Variants in RCAN1 observed in about 807,000 individuals in gnomAD.
The protein encoded by RCAN1 is regulator of calcineurin 1, also known as calcipressin-1.
RCAN1 carries 11 observed loss-of-function variants against 22.9 expected under a neutral mutation model. That is an observed-to-expected ratio of 0.48 (90% CI 0.30 to 0.79). The LOEUF is 0.79. Among genes scored for constraint, RCAN1 ranks in the 30% least tolerant of loss-of-function variants. RCAN1 has a pLI of 0.06. For synonymous variants in RCAN1, 136 were observed against 142.3 expected (o/e 0.96, Z 0.32); for missense variants, 291 against 337.8 (o/e 0.86, Z 1.09).
chr21:34,538,899 C>A (rs1260823513), intron 1 of RCAN1, among the ~76,000 whole-genome samples: 2 of 152,150 alleles, frequency 1.3e-5, no homozygotes, highest in South Asian at 4.1e-4. Flanking sequence ...ACCGACCAAC[C>A]CGCAAGGCCC....
chr21:34,529,002 C>G (rs1026902507), intron 1 of RCAN1, among the ~76,000 whole-genome samples: 3 of 151,434 alleles, frequency 2.0e-5, no homozygotes, highest in African/African-American at 4.8e-5. Flanking sequence ...ATTCAACTGT[C>G]TTTGCTCATA....
At chr21:34,519,397 C>CTTT (rs34152667) in intron 3 of RCAN1, among the ~76,000 whole-genome samples, 129 of 102,680 alleles carry the variant, frequency 1.3e-3, no homozygotes, top group Non-Finnish European at 1.5e-3. Context: ...TTCTTTCTTT[C>CTTT]TTTTTTTTTT....
intron 1 of RCAN1, among the ~76,000 whole-genome samples, chr21:34,580,294 T>G (rs1032401727): frequency 5.3e-5 from 8 of 152,198 alleles, no homozygotes; most frequent in Non-Finnish European, 1.5e-5. Flanking sequence ...CTAAACCTGC[T>G]GGCATTCAGG....
intron 1 of RCAN1, among the ~76,000 whole-genome samples, chr21:34,567,554 CA>C (rs1163824625): frequency 0.025 from 1,741 of 70,226 alleles, 17 homozygotes; most frequent in African/African-American, 0.067. Flanking sequence ...GACTCCATCT[CA>C]AAAAAAAAAA....
chr21:34,607,733 A>T (rs779181241), intron 1 of RCAN1, among the ~76,000 whole-genome samples: 5 of 152,228 alleles, frequency 3.3e-5, no homozygotes, highest in Non-Finnish European at 5.9e-5. Flanking sequence ...AAAGTTTCCA[A>T]ATTAAAAAAT....
chr21:34,561,849 C>T (rs1184211382), intron 1 of RCAN1, among the ~76,000 whole-genome samples: 1 of 152,174 alleles, frequency 6.6e-6, no homozygotes, highest in African/African-American at 2.4e-5. Context: ...CTGAGGACAG[C>T]TGGAGCACGC....
Position 34,614,820 on chromosome 21 carries a change from C to A in RCAN1, c.192G>T (p.Leu64=), listed in dbSNP as rs537594729. The A allele has an allele frequency of 8.7e-6, 13 of 1,488,484 alleles. No homozygotes were observed. The African/African-American group carries it at 8.8e-5, about 10-fold the overall frequency. The allele number at this position is 1,488,484 out of a possible 1,614,324, so 92.2% of individuals were successfully genotyped here. The change falls in exon 1 of 4, where the codon CTG becomes CTT. Residue 64 remains leucine (L), a synonymous_variant. Coordinates refer to ENST00000313806, the MANE Select transcript of RCAN1 (RefSeq NM_004414.7). This position sits in a 1 kb window ranked among gnomAD's most constrained non-coding sequence, Gnocchi z 6.0. ...GGTGACAGGCGATGGTGGCGCTGGGCAGGTCCTGCAGGTCCACCTCCTCCA... is the reference window on the plus strand; with the variant it reads ...GGTGACAGGCGATGGTGGCGCTGGGAAGGTCCTGCAGGTCCACCTCCTCCA... ...CEMEEVDLQD[L]PSATIACHLD...
intron 1 of RCAN1, among the ~76,000 whole-genome samples, chr21:34,589,539 C>T (rs1048278675): frequency 6.6e-6 from 1 of 152,060 alleles, no homozygotes; most frequent in Non-Finnish European, 1.5e-5. Flanking sequence ...TCAAACTGGC[C>T]CCGGTGTGTG....
At chr21:34,597,959 T>C (rs1275601865) in intron 1 of RCAN1, among the ~76,000 whole-genome samples, 1 of 152,132 alleles carries the variant, frequency 6.6e-6, no homozygotes, top group East Asian at 1.9e-4. Flanking sequence ...TATTGAAGAA[T>C]CTAAAACATA....
At chr21:34,528,993 TTCAACTG>T (rs1568887860) in intron 1 of RCAN1, among the ~76,000 whole-genome samples, 3 of 152,134 alleles carry the variant, frequency 2.0e-5, no homozygotes, top group Non-Finnish European at 4.4e-5. Context: ...TTGAAGATTA[TTCAACTG>T]TCTTTGCTCA....
At chr21:34,552,153 G>T (rs1254887205) in intron 1 of RCAN1, among the ~76,000 whole-genome samples, 1 of 152,102 alleles carries the variant, frequency 6.6e-6, no homozygotes, top group Non-Finnish European at 1.5e-5. Flanking sequence ...CATTACTAGC[G>T]TTAGAGGCAC....
At position 34,518,765 on chromosome 21, in the gene RCAN1, G is replaced by A. The variant is rs1984242903; in HGVS notation, c.587-509C>T. Reference sequence around the variant, plus strand: ...CGCAGGGGTGGCTGCACGGAGCCAGGTGCTCTGGAAACGTTTTTGACCTGG... The same window carrying A: ...CGCAGGGGTGGCTGCACGGAGCCAGATGCTCTGGAAACGTTTTTGACCTGG... On this transcript the variant is annotated intron_variant, in intron 3 of 3. Transcript: ENST00000313806. The surrounding 1 kb of genome is among the most constrained non-coding windows in gnomAD (Gnocchi z 4.2). 6.6e-6 allele frequency among the ~76,000 whole-genome samples: 1 copy of A among 152,228 alleles called. No individual in the cohort carries two copies. The highest frequency in any genetic ancestry group is 2.1e-4 in the South Asian group (1 of 4,836).
In RCAN1 at chr21:34,614,096, G is replaced by T. The variant is rs1052851953; in HGVS notation, c.252+664C>A. 6.6e-6 allele frequency among the ~76,000 whole-genome samples: 1 copy of T among 152,156 alleles called. No individual in the cohort carries two copies. The highest frequency in any genetic ancestry group is 2.4e-5 in the African/African-American group (1 of 41,414). On this transcript the variant is annotated intron_variant, in intron 1 of 3. Transcript: ENST00000313806. This position sits in a 1 kb window ranked among gnomAD's most constrained non-coding sequence, Gnocchi z 6.0. ...GGATTTTGCGGGGGTGGGGGGAGGC[G>T]GGGGAAGGAGTCGACTCCCCATGTA...
intron 1 of RCAN1, among the ~76,000 whole-genome samples, chr21:34,580,000 C>T (rs932662050): frequency 1.2e-4 from 19 of 152,336 alleles, no homozygotes; most frequent in African/African-American, 3.1e-4. Context: ...AATTACTATC[C>T]GTCTGATTCT....
chr21:34,613,930 A>G (rs1237100481), intron 1 of RCAN1: 11 of 1,200,056 alleles, frequency 9.2e-6, no homozygotes, highest in Non-Finnish European at 1.2e-5. Context: ...TCTCTCAAAG[A>G]CCGGTTTCAT....
intron 1 of RCAN1, among the ~76,000 whole-genome samples, chr21:34,597,549 T>C (rs944924229): frequency 6.6e-6 from 1 of 152,142 alleles, no homozygotes; most frequent in African/African-American, 2.4e-5. Flanking sequence ...AAGCTAGATG[T>C]GTCTGTTGGG....
intron 1 of RCAN1, among the ~76,000 whole-genome samples, chr21:34,563,768 AAAATATAT>A (rs1161214726): frequency 1.0e-3 from 92 of 88,356 alleles, no homozygotes; most frequent in South Asian, 2.6e-3. Flanking sequence ...AAAAAAAAAA[AAAATATAT>A]ATATATATAT....
chr21:34,552,534 G>T (rs967165346), intron 1 of RCAN1, among the ~76,000 whole-genome samples: 2 of 152,142 alleles, frequency 1.3e-5, no homozygotes, highest in Non-Finnish European at 2.9e-5. Flanking sequence ...TGGTTTACGA[G>T]ATTTTTTCCA....
chr21:34,608,056 C>T (rs1449482495), intron 1 of RCAN1, among the ~76,000 whole-genome samples: 2 of 152,144 alleles, frequency 1.3e-5, no homozygotes, highest in Non-Finnish European at 2.9e-5. Flanking sequence ...TCCCATCAGC[C>T]CCAGATGGGA....
Sources: gnomAD v4.1 joint callset for allele counts (sites outside exome capture counted in the v4.1 genomes callset) on GRCh38, gnomAD v4.1.1 for gene constraint, Gnocchi (gnomAD v3.1) non-coding constraint, MANE v1.5 for transcripts, NCBI Gene and HGNC (gene_info 2026-07-23, HGNC 2026-07-21) for gene names.